The following FOXP1 variants were observed in gnomAD, a reference collection of about 807,000 sequenced individuals.
The protein encoded by FOXP1 is forkhead box protein P1.
A neutral mutation model predicts 98.2 loss-of-function variants in FOXP1; 15 were observed. The observed-to-expected ratio is 0.15, with a 90% CI of 0.10 to 0.24. The LOEUF is 0.24. Among genes scored for constraint, FOXP1 ranks in the 10% least tolerant of loss-of-function variants. FOXP1 has a pLI of 1.00. For missense variants in FOXP1, 633 were observed against 848.5 expected (o/e 0.75, Z 3.15); for synonymous variants, 371 against 314.5 (o/e 1.18, Z -1.90).
intron 7 of FOXP1, among the ~76,000 whole-genome samples, chr3:71,096,416 A>G (rs1280556208): frequency 6.6e-6 from 1 of 152,188 alleles, no homozygotes; most frequent in African/African-American, 2.4e-5. Flanking sequence ...CTAGATCTTG[A>G]TAAGGGTAAT....
chr3:71,334,781 C>T (rs1560325916), intron 4 of FOXP1: 1 of 152,002 alleles, frequency 6.6e-6, no homozygotes, highest in Non-Finnish European at 1.5e-5. Flanking sequence ...GAGCCTTTTC[C>T]AAAAAATCTA....
rs2073025452 is a variant in FOXP1, at chr3:71,293,951, GAC to G, written c.-12+5867_-12+5868del. Among the ~76,000 whole-genome samples, 5 of 152,110 alleles carry G rather than the reference GAC, an allele frequency of 3.3e-5. No homozygotes were observed. In the South Asian group the frequency reaches 1.0e-3, roughly 32 times the overall value. Reference sequence around the variant, plus strand: ...AAAATAAGAACTCATGAGGTTTTAAGACAGTTAAAAATTTTAAATGCCTAGAT... The same window carrying G: ...AAAATAAGAACTCATGAGGTTTTAAGAGTTAAAAATTTTAAATGCCTAGAT... On this transcript the variant is annotated intron_variant, in intron 5 of 20. Transcript: ENST00000649528.
intron 7 of FOXP1, among the ~76,000 whole-genome samples, chr3:71,085,221 C>A (rs2054901520): frequency 6.6e-6 from 1 of 152,142 alleles, no homozygotes; most frequent in African/African-American, 2.4e-5. Flanking sequence ...CAGCTCACTG[C>A]AACCTCAACC....
At chr3:71,259,813 A>G (rs546610196) in intron 5 of FOXP1, among the ~76,000 whole-genome samples, 1 of 152,310 alleles carries the variant, frequency 6.6e-6, no homozygotes, top group Admixed American at 6.5e-5. Context: ...GCCACCTGCT[A>G]GTTACGTATA....
intron 11 of FOXP1, among the ~76,000 whole-genome samples, chr3:71,038,441 T>C (rs1201586135): frequency 6.6e-6 from 1 of 152,112 alleles, no homozygotes; most frequent in Non-Finnish European, 1.5e-5. Flanking sequence ...ACAAATGCAT[T>C]GATGAGTAAG....
rs60423991 is a variant in FOXP1 at position 71,406,405 on chromosome 3, G to GTATATATATATATATA, written c.-167-47177_-167-47162dup. On this transcript the variant is annotated intron_variant, in intron 3 of 20. Coordinates refer to ENST00000649528, the MANE Select transcript of FOXP1 (RefSeq NM_001349338.3). ...TAATTGACACATAATAACTGTATGTGTATATATATATATATATATGGTACA... is the reference window on the plus strand; with the variant it reads ...TAATTGACACATAATAACTGTATGTGTATATATATATATATATATATATATATATATATATGGTACA... Among the ~76,000 whole-genome samples, 307 of 105,938 alleles carry GTATATATATATATATA rather than the reference G, an allele frequency of 2.9e-3. 37 individuals carry two copies. The highest frequency in any genetic ancestry group is 5.3e-3 in the Middle Eastern group (1 of 188). 69.5% of individuals were successfully genotyped at this position (105,938 alleles called of 152,430 possible).
At chr3:71,190,146 C>T (rs892863166) in intron 6 of FOXP1, among the ~76,000 whole-genome samples, 8 of 152,130 alleles carry the variant, frequency 5.3e-5, no homozygotes, top group African/African-American at 1.2e-4. Context: ...TCCCATAAGC[C>T]GAACCCAATC....
intron 3 of FOXP1, among the ~76,000 whole-genome samples, chr3:71,489,297 G>C (rs963820847): frequency 6.6e-6 from 1 of 152,174 alleles, no homozygotes; most frequent in South Asian, 2.1e-4. Context: ...AAAGAGGAAG[G>C]CTGGGCAAAT....
intron 18 of FOXP1, chr3:70,971,474 A>AAAAATTACATAGGGCATACT (rs1311260165): frequency 2.6e-5 from 4 of 153,786 alleles, no homozygotes; most frequent in Non-Finnish European, 5.8e-5. Flanking sequence ...AAAAATATTA[A>AAAAATTACATAGGGCATACT]AAAATTACAT....
At chr3:71,259,460 T>C (rs2068912354) in intron 5 of FOXP1, among the ~76,000 whole-genome samples, 1 of 152,250 alleles carries the variant, frequency 6.6e-6, no homozygotes, top group Non-Finnish European at 1.5e-5. Context: ...CTATCATTCC[T>C]ATTATTTTTC....
At chr3:71,202,309 G>A (rs1215350545) in intron 5 of FOXP1, among the ~76,000 whole-genome samples, 1 of 152,186 alleles carries the variant, frequency 6.6e-6, no homozygotes, top group Non-Finnish European at 1.5e-5. Flanking sequence ...TAGTATGTAG[G>A]TTGGAAGATT....
intron 5 of FOXP1, among the ~76,000 whole-genome samples, chr3:71,257,701 T>C (rs556662946): frequency 6.6e-6 from 1 of 151,948 alleles, no homozygotes; most frequent in Non-Finnish European, 1.5e-5. Flanking sequence ...CTTAAAGGAC[T>C]CAGGACTCTT....
At chr3:71,309,784 G>A (rs764804388) in intron 4 of FOXP1, among the ~76,000 whole-genome samples, 1 of 151,800 alleles carries the variant, frequency 6.6e-6, no homozygotes, top group Non-Finnish European at 1.5e-5. Flanking sequence ...TTCTTTGAAA[G>A]ACCACCAAGA....
chr3:71,370,538 AGGG>A (rs1326359746), intron 3 of FOXP1, among the ~76,000 whole-genome samples: 3 of 152,188 alleles, frequency 2.0e-5, no homozygotes, highest in Non-Finnish European at 4.4e-5. Context: ...ACTTGAGGAA[AGGG>A]CACTAGAACA....
At chr3:71,372,571 G>T (rs1400760047) in intron 3 of FOXP1, among the ~76,000 whole-genome samples, 1 of 152,080 alleles carries the variant, frequency 6.6e-6, no homozygotes, top group African/African-American at 2.4e-5. Flanking sequence ...AAGCCGAGAG[G>T]GCAAAGGTCT....
At chr3:71,233,693 C>CG (rs983830629) in intron 5 of FOXP1, among the ~76,000 whole-genome samples, 1 of 151,524 alleles carries the variant, frequency 6.6e-6, no homozygotes, top group Non-Finnish European at 1.5e-5. Flanking sequence ...CTCGCACCCC[C>CG]CCAGCTGGTG....
intron 5 of FOXP1, among the ~76,000 whole-genome samples, chr3:71,254,953 G>A (rs140782218): frequency 4.6e-5 from 7 of 152,252 alleles, no homozygotes; most frequent in Admixed American, 1.3e-4. Context: ...CAACTTGAAC[G>A]GAGCTTTTTA....
At chr3:71,076,552 T>A (rs186210388) in intron 7 of FOXP1, among the ~76,000 whole-genome samples, 1 of 152,194 alleles carries the variant, frequency 6.6e-6, no homozygotes, top group African/African-American at 2.4e-5. Flanking sequence ...AACATTCATA[T>A]GGCAGACAAC....
intron 5 of FOXP1, among the ~76,000 whole-genome samples, chr3:71,237,230 T>TAAAAAAAAA (rs2066869043): frequency 5.0e-5 from 1 of 19,828 alleles, no homozygotes; most frequent in Non-Finnish European, 8.6e-5. Flanking sequence ...AGACTCCATC[T>TAAAAAAAAA]GAAAAAAAAA....
Sources: allele counts gnomAD v4.1 joint callset (sites outside exome capture counted in the v4.1 genomes callset), GRCh38; gene constraint gnomAD v4.1.1; transcripts MANE v1.5; gene names NCBI Gene and HGNC (gene_info 2026-07-23, HGNC 2026-07-21).